The following DAB1 variants were observed in gnomAD, a reference collection of about 807,000 sequenced individuals.
DAB1 encodes disabled homolog 1.
In DAB1, 15 loss-of-function variants were observed where a neutral mutation model predicts 64.6. The observed-to-expected ratio is 0.23, with a 90% CI of 0.16 to 0.36. The LOEUF is 0.36. Among genes scored for constraint, DAB1 ranks in the 10% least tolerant of loss-of-function variants. The probability of loss-of-function intolerance (pLI) is 1.00; values close to 1 mark genes in which losing one functional copy is unlikely to be tolerated. For synonymous variants in DAB1, 235 were observed against 251.9 expected, an observed-to-expected ratio of 0.93 and a Z score of 0.64; for missense variants, 596 against 706.7, an observed-to-expected ratio of 0.84 and a Z score of 1.78.
chr1:57,186,439 A>G (rs921264428), intron 2 of DAB1, among the ~76,000 whole-genome samples: 2 of 152,196 alleles, frequency 1.3e-5, no homozygotes, highest in Admixed American at 6.5e-5. Context: ...TGTGCTATAA[A>G]ACATTATTTA....
intron 3 of DAB1, among the ~76,000 whole-genome samples, chr1:58,487,258 T>A (rs763076424): frequency 2.6e-5 from 4 of 152,192 alleles, no homozygotes; most frequent in Admixed American, 1.3e-4. Context: ...GACACAGAAG[T>A]GAAGGAAAGA....
rs143341469 is a variant in DAB1 at position 57,099,135 on chromosome 1, G to A, written c.307-26721C>T. On this transcript the variant is annotated intron_variant, in intron 4 of 14. Transcript: ENST00000371236. Reference sequence around the variant, plus strand: ...TTACTCAATCAATACATATCTACTGGGGACCTCATAAGAGCTAGAAACTGT... The same window carrying A: ...TTACTCAATCAATACATATCTACTGAGGACCTCATAAGAGCTAGAAACTGT... Among the ~76,000 whole-genome samples the A allele has an allele frequency of 6.6e-5, 10 of 152,218 alleles. No individual in the cohort carries two copies. In the East Asian group the frequency reaches 1.9e-3, roughly 29 times the overall value.
intron 1 of DAB1, among the ~76,000 whole-genome samples, chr1:57,859,766 G>GA (rs1305519827): frequency 6.6e-6 from 1 of 152,106 alleles, no homozygotes; most frequent in Non-Finnish European, 1.5e-5. Context: ...AGATTGAAGG[G>GA]AAAAAATAAG....
chr1:57,299,214 G>A (rs1673436224), intron 1 of DAB1, among the ~76,000 whole-genome samples: 1 of 152,006 alleles, frequency 6.6e-6, no homozygotes, highest in South Asian at 2.1e-4. Context: ...AGTATCTGAT[G>A]GTCTAACTTT....
intron 7 of DAB1, among the ~76,000 whole-genome samples, chr1:57,471,747 T>A (rs1329532147): frequency 6.6e-6 from 1 of 152,214 alleles, no homozygotes; most frequent in Admixed American, 6.5e-5. Context: ...ACCTCTTTCT[T>A]TTGTAAATTA....
chr1:57,676,699 T>C (rs1646571132), intron 6 of DAB1, among the ~76,000 whole-genome samples: 1 of 152,166 alleles, frequency 6.6e-6, no homozygotes, highest in Non-Finnish European at 1.5e-5. Flanking sequence ...TTTTCTACCA[T>C]TACTCACCTC....
At chr1:57,971,331 C>T (rs916285802) in intron 5 of DAB1, among the ~76,000 whole-genome samples, 40 of 152,300 alleles carry the variant, frequency 2.6e-4, no homozygotes, top group African/African-American at 8.7e-4. Context: ...GGCAGACTTC[C>T]TACCTTGCCT....
chr1:57,544,782 T>A (rs1644838269), intron 7 of DAB1, among the ~76,000 whole-genome samples: 1 of 152,180 alleles, frequency 6.6e-6, no homozygotes, highest in Non-Finnish European at 1.5e-5. Flanking sequence ...CAAAAGGGGC[T>A]TTTCCCTCTT....
chr1:57,876,058 T>G (rs1393393412), intron 1 of DAB1: 2 of 152,154 alleles, frequency 1.3e-5, no homozygotes, highest in Non-Finnish European at 2.9e-5. Flanking sequence ...AGCCTCGAAT[T>G]TGGGAAAGTC....
chr1:57,121,711 A>C lies in DAB1; in HGVS notation c.306+14832T>G, dbSNP rs1656684276. Among the ~76,000 whole-genome samples, 4 of 151,890 alleles carry C rather than the reference A, an allele frequency of 2.6e-5. No homozygotes were observed. In the South Asian group the frequency reaches 8.3e-4, roughly 32 times the overall value. On this transcript the variant is annotated intron_variant, in intron 4 of 14. Transcript: ENST00000371236. ...TTTTGGATTTTACATTTAAGTCTTT[A>C]ATCCATCTTGAGTTAATTTTTGTAT... is the stretch of plus-strand genomic sequence containing the variant.
intron 5 of DAB1, among the ~76,000 whole-genome samples, chr1:58,005,854 TACA>T (rs1646575059): frequency 6.6e-6 from 1 of 152,170 alleles, no homozygotes; most frequent in South Asian, 2.1e-4. Flanking sequence ...ATTTAATTCT[TACA>T]ACAACTCTTT....
At chr1:58,170,749 A>T (rs1656123261) in intron 4 of DAB1, among the ~76,000 whole-genome samples, 1 of 152,068 alleles carries the variant, frequency 6.6e-6, no homozygotes, top group Admixed American at 6.5e-5. Context: ...TGCTATGCCG[A>T]GGCAATCACT....
chr1:57,739,690 C>A (rs1279612769), intron 6 of DAB1, among the ~76,000 whole-genome samples: 1 of 150,704 alleles, frequency 6.6e-6, no homozygotes, highest in African/African-American at 2.4e-5. Context: ...TGATCTCAAA[C>A]AATCTGCCTG....
intron 7 of DAB1, among the ~76,000 whole-genome samples, chr1:57,588,277 C>G (rs973393398): frequency 5.9e-5 from 9 of 152,200 alleles, no homozygotes; most frequent in Admixed American, 2.6e-4. Context: ...GACAGCACCC[C>G]CCTACCACCA....
At chr1:57,461,943 CTTTTTTTTTTTTTTTT>C (rs545743407) in intron 7 of DAB1, among the ~76,000 whole-genome samples, 25 of 100,342 alleles carry the variant, frequency 2.5e-4, no homozygotes, top group Non-Finnish European at 3.6e-4. Context: ...AAGATATACT[CTTTTTTTTTTTTTTTT>C]TTTTTTTTTT....
intron 5 of DAB1, chr1:58,077,888 A>G (rs1397073344): frequency 1.3e-5 from 2 of 152,202 alleles, no homozygotes; most frequent in African/African-American, 4.8e-5. Flanking sequence ...AAGTTCTGAG[A>G]CGAGCAGCAC....
rs114711251 is a variant in DAB1, at chr1:57,663,410, A to G, written n.552-13745T>C. ...ACATAGAAGCTTAGAAGGAAGAAGG[A>G]ATTTGTCCAAAGTTATACATTAGTA... On this transcript the variant is annotated intron_variant and non_coding_transcript_variant, in intron 6 of 20. Transcript: ENST00000485760. Among the ~76,000 whole-genome samples the G allele has an allele frequency of 8.3e-3, 1,266 of 152,234 alleles. 17 individuals carry two copies. The highest frequency in any genetic ancestry group is 0.029 in the African/African-American group (1,219 of 41,534).
chr1:57,824,059 A>G (rs941056836), downstream of DAB1, among the ~76,000 whole-genome samples: 1 of 152,228 alleles, frequency 6.6e-6, no homozygotes, highest in African/African-American at 2.4e-5. Context: ...CCACTTGCTA[A>G]GTTGCCAGTA....
intron 5 of DAB1, among the ~76,000 whole-genome samples, chr1:58,081,056 A>G (rs1006085076): frequency 6.6e-6 from 1 of 152,200 alleles, no homozygotes; most frequent in African/African-American, 2.4e-5. Context: ...ATCTTCCAAT[A>G]GGTGACCAAG....
Sources: allele counts gnomAD v4.1 joint callset (sites outside exome capture counted in the v4.1 genomes callset), GRCh38; gene constraint gnomAD v4.1.1; transcripts MANE v1.5; gene names NCBI Gene and HGNC (gene_info 2026-07-23, HGNC 2026-07-21).